The following SLC39A11 variants were observed in gnomAD, a reference collection of about 807,000 sequenced individuals.
SLC39A11 encodes zinc transporter ZIP11.
A neutral mutation model predicts 36.1 loss-of-function variants in SLC39A11; 33 were observed. The observed-to-expected ratio is 0.91, with a 90% CI of 0.69 to 1.22. The LOEUF (loss-of-function observed/expected upper bound fraction) is 1.22, where lower values mean the gene tolerates loss of function less well. Among genes scored for constraint, SLC39A11 ranks in the 50% most tolerant of loss-of-function variants. SLC39A11 has a pLI of 0.00. For missense variants in SLC39A11, 432 were observed against 430.3 expected (o/e 1.00, Z -0.03); for synonymous variants, 166 against 170.3 (o/e 0.97, Z 0.20).
At chr17:73,041,343 G>C (rs2059108504) in intron 3 of SLC39A11, among the ~76,000 whole-genome samples, 1 of 152,186 alleles carries the variant, frequency 6.6e-6, no homozygotes, top group African/African-American at 2.4e-5. Context: ...CTGCCACCTG[G>C]GGCTGAAGGA....
intron 5 of SLC39A11, among the ~76,000 whole-genome samples, chr17:72,910,047 C>A (rs186844293): frequency 1.3e-5 from 2 of 152,192 alleles, no homozygotes; most frequent in East Asian, 3.9e-4. Flanking sequence ...CCACCGCACC[C>A]GGCCTCCTCA....
intron 6 of SLC39A11, among the ~76,000 whole-genome samples, chr17:72,840,997 G>T (rs1255884663): frequency 6.6e-6 from 1 of 152,136 alleles, no homozygotes; most frequent in Admixed American, 6.6e-5. Flanking sequence ...GGAGCTTGCA[G>T]TGAGCTGAGA....
At chr17:72,822,203 C>A (rs988905142) in intron 6 of SLC39A11, among the ~76,000 whole-genome samples, 9 of 149,654 alleles carry the variant, frequency 6.0e-5, no homozygotes, top group Non-Finnish European at 1.3e-4. Context: ...ACATTATATG[C>A]ACATATACTA....
At chr17:72,910,392 G>T (rs923496873) in intron 5 of SLC39A11, among the ~76,000 whole-genome samples, 1 of 152,190 alleles carries the variant, frequency 6.6e-6, no homozygotes, top group African/African-American at 2.4e-5. Context: ...GGGAGGCTGA[G>T]GCAGGCAGAT....
intron 7 of SLC39A11, among the ~76,000 whole-genome samples, chr17:72,719,012 G>C (rs1034477935): frequency 2.6e-5 from 4 of 151,986 alleles, no homozygotes; most frequent in African/African-American, 9.7e-5. Flanking sequence ...GCTGAGGCAG[G>C]CAGATCACCT....
At chr17:72,782,687 CAAAAAAAAAAAAAAA>C (rs72447211) in intron 6 of SLC39A11, among the ~76,000 whole-genome samples, 1 of 62,478 alleles carries the variant, frequency 1.6e-5, no homozygotes, top group Non-Finnish European at 2.9e-5. Flanking sequence ...GACCCCATCT[CAAAAAAAAAAAAAAA>C]AAAAAAAAAA....
intron 7 of SLC39A11, among the ~76,000 whole-genome samples, chr17:72,714,549 T>C (rs76279072): frequency 0.043 from 6,619 of 152,254 alleles, 143 homozygotes; most frequent in East Asian, 0.067. Flanking sequence ...ATCCACCTCC[T>C]GCTGAGTGCC....
chr17:72,716,976 A>T (rs1417494523), intron 7 of SLC39A11, among the ~76,000 whole-genome samples: 1,633 of 119,592 alleles, frequency 0.014, 53 homozygotes, highest in African/African-American at 0.058. Flanking sequence ...CTCAAAAAAA[A>T]AAAAATATAT....
intron 6 of SLC39A11, among the ~76,000 whole-genome samples, chr17:72,759,329 G>C (rs1008042119): frequency 1.3e-5 from 2 of 152,114 alleles, no homozygotes; most frequent in Admixed American, 6.5e-5. Flanking sequence ...CAAAGGAACG[G>C]AAGTGGTGAT....
chr17:72,969,074 T>A (rs2087232989), intron 4 of SLC39A11, among the ~76,000 whole-genome samples: 1 of 152,150 alleles, frequency 6.6e-6, no homozygotes, highest in Admixed American at 6.5e-5. Flanking sequence ...GCTTTTCCCA[T>A]GTCTGGGACA....
intron 4 of SLC39A11, among the ~76,000 whole-genome samples, chr17:72,990,765 C>T (rs1208690417): frequency 1.3e-5 from 2 of 151,754 alleles, no homozygotes; most frequent in South Asian, 4.2e-4. Context: ...CCGACCAACA[C>T]ACACACATCT....
At chr17:73,043,153 G>C (rs550203003) in intron 3 of SLC39A11, among the ~76,000 whole-genome samples, 2 of 152,228 alleles carry the variant, frequency 1.3e-5, no homozygotes, top group African/African-American at 2.4e-5. Flanking sequence ...TCAAAGAACA[G>C]GGAGGGGCTC....
At chr17:72,766,129 T>G (rs868228113) in intron 6 of SLC39A11, among the ~76,000 whole-genome samples, 22 of 151,940 alleles carry the variant, frequency 1.4e-4, no homozygotes, top group African/African-American at 5.1e-4. Context: ...TGCTGCAGGG[T>G]CCCAGCTCTA....
chr17:72,942,805 C>A (rs1449762091), intron 5 of SLC39A11, among the ~76,000 whole-genome samples: 1 of 152,176 alleles, frequency 6.6e-6, no homozygotes, highest in Non-Finnish European at 1.5e-5. Flanking sequence ...GCATCCCACA[C>A]TGCCTGGCTG....
intron 5 of SLC39A11, among the ~76,000 whole-genome samples, chr17:72,860,307 G>A (rs1430979518): frequency 1.3e-5 from 2 of 152,184 alleles, no homozygotes; most frequent in Admixed American, 6.5e-5. Context: ...CCCTCACCAG[G>A]AGTACCAGGG....
At chr17:72,974,448 A>C (rs890900976) in intron 4 of SLC39A11, among the ~76,000 whole-genome samples, 2 of 151,756 alleles carry the variant, frequency 1.3e-5, no homozygotes, top group Non-Finnish European at 2.9e-5. Flanking sequence ...AAAAAAAAAA[A>C]ATTAAGTAAA....
chr17:72,852,228 A>AAAAAAAAAAAAAAAAAAAAAC (rs1491123331), intron 5 of SLC39A11, among the ~76,000 whole-genome samples: 10 of 134,824 alleles, frequency 7.4e-5, no homozygotes, highest in Non-Finnish European at 1.5e-4. Flanking sequence ...AAAAAAAAAA[A>AAAAAAAAAAAAAAAAAAAAAC]CAGAAAGAAA....
intron 6 of SLC39A11, among the ~76,000 whole-genome samples, chr17:72,837,094 G>A (rs988280103): frequency 2.6e-5 from 4 of 152,062 alleles, no homozygotes; most frequent in Admixed American, 6.5e-5. Context: ...TTTGCAGCAC[G>A]GGGAGACTGC....
chr17:72,967,639 T>A (rs1387824480), intron 4 of SLC39A11, among the ~76,000 whole-genome samples: 2 of 151,894 alleles, frequency 1.3e-5, no homozygotes, highest in Admixed American at 1.3e-4. Flanking sequence ...GAGGAGAGAG[T>A]GCTTTGCAAA....
Sources: gnomAD v4.1 joint callset for allele counts (sites outside exome capture counted in the v4.1 genomes callset) on GRCh38, gnomAD v4.1.1 for gene constraint, MANE v1.5 for transcripts, NCBI Gene and HGNC (gene_info 2026-07-23, HGNC 2026-07-21) for gene names.